Variants in AGBL4 observed in about 807,000 individuals in gnomAD.
AGBL4 encodes cytosolic carboxypeptidase 6.
A neutral mutation model predicts 66.4 loss-of-function variants in AGBL4; 58 were observed. The observed-to-expected ratio is 0.87, with a 90% CI of 0.71 to 1.09. The LOEUF (loss-of-function observed/expected upper bound fraction) is 1.09. Ranked by LOEUF, AGBL4 falls within the 50% of genes least tolerant of loss-of-function variation. The pLI is 0.00. For synonymous variants in AGBL4, 234 were observed against 222.9 expected, an observed-to-expected ratio of 1.05 and a Z score of -0.44; for missense variants, 579 against 631.0, an observed-to-expected ratio of 0.92 and a Z score of 0.88.
At chr1:49,502,781 T>C (rs570958212) in intron 3 of AGBL4, among the ~76,000 whole-genome samples, 1 of 152,186 alleles carries the variant, frequency 6.6e-6, no homozygotes, top group South Asian at 2.1e-4. Context: ...CTGTGGAACT[T>C]TGAACTTAGG....
chr1:48,536,263 G>T (rs1044007701), intron 12 of AGBL4, among the ~76,000 whole-genome samples: 2 of 152,178 alleles, frequency 1.3e-5, no homozygotes, highest in Admixed American at 1.3e-4. Flanking sequence ...CAGCTAACTT[G>T]TTCAGGCTGA....
chr1:49,968,030 C>T lies in AGBL4; in HGVS notation c.34+55733G>A, dbSNP rs191420505. On this transcript the variant is annotated intron_variant, in intron 1 of 13. Coordinates refer to ENST00000371839, the MANE Select transcript of AGBL4 (RefSeq NM_032785.4). ...CCTGAGGTCAGGAGTTCAAGACCAG[C>T]CTGACCAACATGGTGAAACCCCATC... 1.3e-4 allele frequency among the ~76,000 whole-genome samples: 20 copies of T among 152,132 alleles called. No homozygotes were observed. In the East Asian group the frequency reaches 3.9e-3, roughly 30 times the overall value.
intron 3 of AGBL4, among the ~76,000 whole-genome samples, chr1:49,487,727 A>G (rs545066337): frequency 6.6e-6 from 1 of 152,056 alleles, no homozygotes; most frequent in African/African-American, 2.4e-5. Flanking sequence ...GTGAGAATGA[A>G]CTAATACAGT....
chr1:49,440,178 T>G (rs2148667127), intron 3 of AGBL4, among the ~76,000 whole-genome samples: 1 of 151,528 alleles, frequency 6.6e-6, no homozygotes, highest in South Asian at 2.1e-4. Context: ...CACACCATTC[T>G]CCTGCCTCAA....
At chr1:49,611,374 C>CTTTTTT (rs35960918) in intron 3 of AGBL4, among the ~76,000 whole-genome samples, 3 of 117,842 alleles carry the variant, frequency 2.5e-5, no homozygotes, top group Non-Finnish European at 1.7e-5. Context: ...CAACCATATT[C>CTTTTTT]TTTTTTTTTT....
At chr1:49,615,279 A>G (rs1219485133) in intron 3 of AGBL4, among the ~76,000 whole-genome samples, 5 of 152,164 alleles carry the variant, frequency 3.3e-5, no homozygotes, top group Admixed American at 2.6e-4. Flanking sequence ...GAACTTGTCT[A>G]TATGCTAGAA....
chr1:49,828,831 A>G (rs1645578308), intron 2 of AGBL4, among the ~76,000 whole-genome samples: 1 of 152,002 alleles, frequency 6.6e-6, no homozygotes, highest in Admixed American at 6.6e-5. Context: ...AGTATTTTGG[A>G]AGGCCGAGGC....
chr1:49,342,145 C>T (rs1645553023), intron 3 of AGBL4, among the ~76,000 whole-genome samples: 1 of 152,108 alleles, frequency 6.6e-6, no homozygotes, highest in African/African-American at 2.4e-5. Flanking sequence ...CTCTTTTTCG[C>T]TTTTTTTCCA....
At chr1:48,640,657 A>G (rs6587981) in intron 8 of AGBL4, among the ~76,000 whole-genome samples, 11,307 of 152,152 alleles carry the variant, frequency 0.074, 1,350 homozygotes, top group African/African-American at 0.25. Context: ...TGGGATTTGA[A>G]CCCAGGTCTT....
intron 4 of AGBL4, among the ~76,000 whole-genome samples, chr1:49,199,544 C>T (rs914314792): frequency 3.3e-5 from 5 of 152,158 alleles, no homozygotes; most frequent in African/African-American, 1.2e-4. Flanking sequence ...TTGAGACAGC[C>T]TTCTTCATTA....
At chr1:48,691,606 T>C (rs1646634067) in intron 6 of AGBL4, among the ~76,000 whole-genome samples, 2 of 151,942 alleles carry the variant, frequency 1.3e-5, no homozygotes, top group Non-Finnish European at 2.9e-5. Flanking sequence ...GACCTCTGAG[T>C]ATCTCCTCCC....
At chr1:49,935,149 T>A (rs955969046) in intron 1 of AGBL4, among the ~76,000 whole-genome samples, 1 of 152,170 alleles carries the variant, frequency 6.6e-6, no homozygotes, top group Non-Finnish European at 1.5e-5. Flanking sequence ...GCTTTTCCGA[T>A]GGGCTTAAAA....
chr1:48,792,143 C>T lies in AGBL4; in HGVS notation c.634+75048G>A, dbSNP rs140174684. Among the ~76,000 whole-genome samples the T allele has an allele frequency of 4.5e-3, 692 of 152,168 alleles. 2 individuals are homozygous for T. The highest frequency in any genetic ancestry group is 0.01 in the Middle Eastern group (3 of 294). ...GTGTCTTATAAGATGAGAAAAATAC[C>T]ATATGAAGACAGAGACACATAGGAG... On this transcript the variant is annotated intron_variant, in intron 6 of 13. Transcript: ENST00000371839.
At chr1:49,255,924 ATT>A (rs1235910867) in intron 3 of AGBL4, among the ~76,000 whole-genome samples, 1 of 152,198 alleles carries the variant, frequency 6.6e-6, no homozygotes, top group Non-Finnish European at 1.5e-5. Flanking sequence ...AAAACCAAAT[ATT>A]GCATGTTCTC....
At chr1:49,270,797 AAGAT>A in intron 3 of AGBL4, among the ~76,000 whole-genome samples, 1 of 152,188 alleles carries the variant, frequency 6.6e-6, no homozygotes, top group East Asian at 1.9e-4. Flanking sequence ...CAATGGCAAA[AAGAT>A]AGGTCCTTTA....
chr1:49,981,930 T>C (rs939029686), intron 1 of AGBL4, among the ~76,000 whole-genome samples: 2 of 152,236 alleles, frequency 1.3e-5, no homozygotes, highest in African/African-American at 4.8e-5. Context: ...AAATCATTTG[T>C]TCAATTGTTT....
chr1:48,693,513 C>T (rs1272012178), intron 6 of AGBL4, among the ~76,000 whole-genome samples: 1 of 152,178 alleles, frequency 6.6e-6, no homozygotes, highest in Non-Finnish European at 1.5e-5. Context: ...TTCACGGTGG[C>T]GTGTGTGCAT....
intron 6 of AGBL4, among the ~76,000 whole-genome samples, chr1:48,748,828 G>A (rs1279705664): frequency 2.6e-5 from 4 of 152,076 alleles, no homozygotes; most frequent in Non-Finnish European, 5.9e-5. Context: ...TAGTGAGGCC[G>A]GGGTTCTTCA....
intron 11 of AGBL4, among the ~76,000 whole-genome samples, chr1:48,548,600 C>A (rs1182748279): frequency 6.6e-6 from 1 of 152,240 alleles, no homozygotes; most frequent in East Asian, 1.9e-4. Context: ...GCCTCCCTTC[C>A]CTGTCCTGCT....
Sources: allele counts gnomAD v4.1 joint callset (sites outside exome capture counted in the v4.1 genomes callset), GRCh38; gene constraint gnomAD v4.1.1; transcripts MANE v1.5; gene names NCBI Gene and HGNC (gene_info 2026-07-23, HGNC 2026-07-21).